RPS6KA6: variants seen among roughly 807,000 people sequenced by gnomAD.
RPS6KA6 encodes ribosomal protein S6 kinase A6.
Under a neutral mutation model 65.4 loss-of-function variants are expected in RPS6KA6, and 27 were observed. The observed-to-expected ratio is 0.41, with a 90% confidence interval of 0.30 to 0.57. The LOEUF (loss-of-function observed/expected upper bound fraction) is 0.57. Among genes scored for constraint, RPS6KA6 ranks in the 20% least tolerant of loss-of-function variants. RPS6KA6 has a pLI of 0.24. For synonymous variants in RPS6KA6, 190 were observed against 184.2 expected, an observed-to-expected ratio of 1.03 and a Z score of -0.26; for missense variants, 486 against 555.6, an observed-to-expected ratio of 0.87 and a Z score of 1.26.
chrX:84,073,670 A>AAC (rs1187980196), intron 20 of RPS6KA6, among the ~76,000 whole-genome samples: 1 of 111,921 alleles, frequency 8.9e-6, no homozygotes, highest in Non-Finnish European at 1.9e-5. Flanking sequence ...ACATTCAAAC[A>AAC]ACATAATAGC....
At chrX:84,150,278 T>C (rs894442123) in intron 3 of RPS6KA6, among the ~76,000 whole-genome samples, 1 of 111,457 alleles carries the variant, frequency 9.0e-6, no homozygotes, top group Admixed American at 9.6e-5. Flanking sequence ...AATAAGGCTG[T>C]TTCACTTTCT....
At chrX:84,116,342 C>G in intron 11 of RPS6KA6, 55 bp from the exon 12 acceptor site, 2 of 678,868 alleles carry the variant, frequency 2.9e-6, no homozygotes, top group Non-Finnish European at 4.3e-6. Flanking sequence ...GTCTTGCTCC[C>G]TGGCTTCCAG....
chrX:84,169,689 TAG>T (rs1433204896), intron 1 of RPS6KA6, among the ~76,000 whole-genome samples: 1 of 111,047 alleles, frequency 9.0e-6, no homozygotes, highest in African/African-American at 3.3e-5. Context: ...AAGAAGAAAG[TAG>T]AGAGATACAC....
chrX:84,154,135 AT>A (rs1042460930), intron 3 of RPS6KA6, among the ~76,000 whole-genome samples: 3 of 111,289 alleles, frequency 2.7e-5, no homozygotes, highest in Non-Finnish European at 5.7e-5. Context: ...ACTCAAATAT[AT>A]TAGCTTCTTT....
intron 19 of RPS6KA6, among the ~76,000 whole-genome samples, chrX:84,096,983 T>C (rs1444205185): frequency 3.6e-5 from 4 of 111,551 alleles, no homozygotes; most frequent in East Asian, 5.6e-4. Context: ...TGTACTGAGA[T>C]GTGTAATTAA....
intron 2 of RPS6KA6, among the ~76,000 whole-genome samples, chrX:84,156,649 A>G (rs1200690269): frequency 1.8e-5 from 2 of 111,908 alleles, no homozygotes; most frequent in Non-Finnish European, 3.8e-5. Context: ...AACCACATCA[A>G]TGAAAAAGAA....
intron 1 of RPS6KA6, among the ~76,000 whole-genome samples, chrX:84,180,117 G>A (rs868756204): frequency 4.5e-5 from 5 of 111,235 alleles, no homozygotes; most frequent in African/African-American, 1.3e-4. Context: ...TTTGTTTTCT[G>A]AAGTTCTGTC....
chrX:84,134,171 C>T (rs2034952501), intron 8 of RPS6KA6, among the ~76,000 whole-genome samples: 1 of 111,815 alleles, frequency 8.9e-6, no homozygotes, highest in South Asian at 3.7e-4. Flanking sequence ...CAGGTCTTTC[C>T]TTTTTACTGC....
intron 20 of RPS6KA6, among the ~76,000 whole-genome samples, chrX:84,072,600 AAAT>A (rs1378150935): frequency 8.9e-6 from 1 of 111,922 alleles, no homozygotes; most frequent in African/African-American, 3.2e-5. Flanking sequence ...GGAAAGAAGG[AAAT>A]AATACTGTTA....
chrX:84,150,796 T>C (rs1255587514), intron 3 of RPS6KA6, among the ~76,000 whole-genome samples: 2 of 101,351 alleles, frequency 2.0e-5, no homozygotes, highest in Non-Finnish European at 4.0e-5. Flanking sequence ...ATATAGAGAA[T>C]ATATAGAGAG....
At chrX:84,070,067 C>T (rs183453138) in intron 20 of RPS6KA6, among the ~76,000 whole-genome samples, 51 of 112,115 alleles carry the variant, frequency 4.5e-4, no homozygotes, top group African/African-American at 1.6e-3. Flanking sequence ...TGGGTATATA[C>T]CCAAATATTA....
At chrX:84,087,173 T>C (rs1248357664) in intron 20 of RPS6KA6, among the ~76,000 whole-genome samples, 1 of 111,653 alleles carries the variant, frequency 9.0e-6, no homozygotes, top group Non-Finnish European at 1.9e-5. Context: ...AATATTGTTA[T>C]GTGTGAATTT....
At position 84,123,328 on chromosome X, in the gene RPS6KA6, T is replaced by C. The variant is rs1380808759; in HGVS notation, c.647-3301A>G. Among the ~76,000 whole-genome samples the C allele has an allele frequency of 2.7e-5, 3 of 112,751 alleles. No individual in the cohort carries two copies. The East Asian group carries it at 8.5e-4, about 32-fold the overall frequency. ...TTGAGAAAAGCAGACAGAAAGGTAA[T>C]GCACCTTAGGTACCAGCTCAGCCAC... On this transcript the variant is annotated intron_variant, in intron 8 of 21. Transcript: ENST00000262752.
Position 84,119,890 on chromosome X carries a change from G to T in RPS6KA6, c.784C>A (p.Leu262Ile). The T allele has an allele frequency of 8.5e-7, 1 of 1,174,317 alleles. No homozygotes were observed. Among genetic ancestry groups the T allele is most frequent in the Non-Finnish European group, 1.1e-6 (1 of 877,542 alleles). ...QSADWWSYGV[L>I]MFEMLTGTLP... The stretch of plus-strand genomic sequence containing the variant: ...AAACAAATAATGCTACTTACCATAA[G>T]AACACCATATGACCACCAATCAGCA... Residue 262 changes from leucine to isoleucine, a missense_variant, in exon 9 of 22, where the codon CTT becomes ATT. Around this residue, in one of 3 missense-constraint regions of RPS6KA6, gnomAD observed 345 missense variants for 375.0 expected, o/e 0.92. Transcript: ENST00000262752.
chrX:84,134,723 T>C, intron 8 of RPS6KA6, 59 bp downstream of exon 8: 1 of 789,434 alleles, frequency 1.3e-6, no homozygotes, highest in South Asian at 2.7e-5. Flanking sequence ...CAAATTTATA[T>C]TAAAATAATA....
intron 12 of RPS6KA6, among the ~76,000 whole-genome samples, chrX:84,114,005 A>C (rs2034519096): frequency 8.9e-6 from 1 of 111,971 alleles, no homozygotes; most frequent in Non-Finnish European, 1.9e-5. Context: ...TGAAAACCAA[A>C]TGAAAGTTCT....
chrX:84,086,983 T>G (rs1404459134), intron 20 of RPS6KA6, among the ~76,000 whole-genome samples: 2 of 111,133 alleles, frequency 1.8e-5, no homozygotes, highest in African/African-American at 6.5e-5. Context: ...AACCCCTGCT[T>G]TTTTCTGTTT....
intron 20 of RPS6KA6, among the ~76,000 whole-genome samples, chrX:84,068,199 A>G (rs140891197): frequency 0.017 from 1,939 of 111,623 alleles, 40 homozygotes; most frequent in African/African-American, 0.06. Flanking sequence ...ATATGAGGAA[A>G]CTACAACAAC....
rs962165275 is a variant in RPS6KA6 at position 84,061,345 on chromosome X, T to C, written c.*2932A>G. 1 of 112,189 alleles carries C rather than the reference T, an allele frequency of 8.9e-6. No homozygotes were observed. The highest frequency in any genetic ancestry group is 4.2e-3 in the Middle Eastern group (1 of 238). 9.2% of individuals were successfully genotyped at this position (112,189 alleles called of 1,213,427 possible). ...TACCAAGCATCTGTTCTTAAGGTTG[T>C]GGGTTGCCTAAACATATGGAATCCC... On this transcript the variant is annotated 3_prime_UTR_variant, in exon 22 of 22. Transcript: ENST00000262752.
Sources: allele counts gnomAD v4.1 joint callset (sites outside exome capture counted in the v4.1 genomes callset), GRCh38; gene constraint gnomAD v4.1.1; regional missense constraint gnomAD v4.1.1; transcripts MANE v1.5; gene names NCBI Gene and HGNC (gene_info 2026-07-23, HGNC 2026-07-21).